NOC2L: variants seen among roughly 807,000 people sequenced by gnomAD.
The protein encoded by NOC2L is nucleolar complex protein 2 homolog.
A neutral mutation model predicts 94.2 loss-of-function variants in NOC2L; 101 were observed. That is an observed-to-expected ratio of 1.07 (90% CI 0.91 to 1.26). The LOEUF (loss-of-function observed/expected upper bound fraction) is 1.26, where lower values mean the gene tolerates loss of function less well. NOC2L is among the 50% of genes most tolerant of loss of function. The pLI, the probability that NOC2L is intolerant of heterozygous loss-of-function variation, is 0.00. For synonymous variants in NOC2L, 531 were observed against 413.4 expected, an observed-to-expected ratio of 1.28 and a Z score of -3.45; for missense variants, 1,076 against 980.1, an observed-to-expected ratio of 1.10 and a Z score of -1.31.
intron 18 of NOC2L, 32 bp downstream of exon 18, chr1:945,024 AG>A (rs1642056966): frequency 3.1e-6 from 5 of 1,613,618 alleles, no homozygotes; most frequent in Non-Finnish European, 4.2e-6. Context: ...ATGGGCTCAC[AG>A]GGCCACACCC....
chr1:946,429 G>C lies in NOC2L; in HGVS notation c.1776C>G (p.Ser592=). ...CTGCCTGCTGCTCAGAGACGCCGAAGGAAACCCTCTGGCGGCGGCTGCAGA... is the reference window on the plus strand; with the variant it reads ...CTGCCTGCTGCTCAGAGACGCCGAACGAAACCCTCTGGCGGCGGCTGCAGA... ...AYICSRRQRV[S]FGVSEQQAVE... is the part of the protein sequence containing the mutation. The change falls in exon 15 of 19, where the codon TCC becomes TCG. Residue 592 remains serine (S), a synonymous_variant. Coordinates refer to ENST00000327044, the MANE Select transcript of NOC2L (RefSeq NM_015658.4). The C allele has an allele frequency of 1.2e-6, 2 of 1,613,540 alleles. No homozygotes were observed. The highest frequency in any genetic ancestry group is 8.5e-7 in the Non-Finnish European group (1 of 1,180,016).
chr1:951,942 C>T (rs1247956321), intron 11 of NOC2L, 58 bp downstream of exon 11: 2 of 1,563,600 alleles, frequency 1.3e-6, no homozygotes, highest in Non-Finnish European at 1.7e-6. Flanking sequence ...CCCACACAGT[C>T]CCAGCAAATT....
At chr1:947,338 G>A (rs1642141634) in intron 14 of NOC2L, among the ~76,000 whole-genome samples, 1 of 152,216 alleles carries the variant, frequency 6.6e-6, no homozygotes, top group Non-Finnish European at 1.5e-5. Flanking sequence ...CAGAAAGGGG[G>A]TCCCGGCTCT....
At chr1:957,383 A>C (rs1642440573) in intron 2 of NOC2L, 110 bp from the exon 3 acceptor site, 1 of 1,061,506 alleles carries the variant, frequency 9.4e-7, no homozygotes, top group African/African-American at 1.6e-5. Context: ...CTAGCAAGAC[A>C]GGATTGCCAG....
Position 944,980 on chromosome 1 carries a change from G to A in NOC2L, c.2143+77C>T, listed in dbSNP as rs1162554029. Reference sequence around the variant, plus strand: ...GGAAAAGCCTGGCCCAGAGCCCCACGCCCCCCGCCCACGTGGCTCTGCCCT... The same window carrying A: ...GGAAAAGCCTGGCCCAGAGCCCCACACCCCCCGCCCACGTGGCTCTGCCCT... On this transcript the variant is annotated intron_variant, in intron 18 of 18. Transcript: ENST00000327044. The A allele has an allele frequency of 1.9e-5, 30 of 1,600,688 alleles. No individual in the cohort carries two copies. The Admixed American group carries it at 3.0e-4, about 16-fold the overall frequency.
At position 944,241 on chromosome 1, in the gene NOC2L, T is replaced by C; in HGVS notation, c.*453A>G. ...CCTGCCTCCCACCGCTTTATTTCTT[T>C]CGGTTTCGGATGCAAAACAAAAAAT... On this transcript the variant is annotated 3_prime_UTR_variant, in exon 19 of 19. Coordinates refer to ENST00000327044, the MANE Select transcript of NOC2L (RefSeq NM_015658.4). The C allele has an allele frequency of 6.9e-7, 1 of 1,451,930 alleles. No individual in the cohort carries two copies. The highest frequency in any genetic ancestry group is 9.1e-7 in the Non-Finnish European group (1 of 1,102,976). 89.9% of individuals were successfully genotyped at this position (1,451,930 alleles called of 1,614,324 possible).
At chr1:950,590 CCTG>C (rs1275257543) in intron 12 of NOC2L, among the ~76,000 whole-genome samples, 11 of 152,170 alleles carry the variant, frequency 7.2e-5, no homozygotes, top group Admixed American at 7.2e-4. Flanking sequence ...GATGCACACA[CCTG>C]CAGGCACACA....
intron 13 of NOC2L, 97 bp downstream of exon 13, chr1:948,393 T>G (rs895407176): frequency 9.1e-7 from 1 of 1,094,148 alleles, no homozygotes; most frequent in Non-Finnish European, 1.4e-6. Context: ...AGGTCCATGC[T>G]TGAACTTGGA....
chr1:955,350 T>A (rs1033586620), intron 6 of NOC2L, among the ~76,000 whole-genome samples: 3 of 152,224 alleles, frequency 2.0e-5, no homozygotes, highest in Admixed American at 1.3e-4. Flanking sequence ...ACTCTAGGCC[T>A]CCACTGCCTC....
At chr1:945,683 TGAGA>T (rs759589095) in intron 16 of NOC2L, 30 bp from the exon 17 acceptor site, 1 of 1,613,854 alleles carries the variant, frequency 6.2e-7, no homozygotes, top group African/African-American at 1.3e-5. Flanking sequence ...GGGGCTCAGG[TGAGA>T]GAGGGCAGGG....
At chr1:954,106 G>A in intron 6 of NOC2L, 24 bp from the exon 7 acceptor site, 1 of 1,609,166 alleles carries the variant, frequency 6.2e-7, no homozygotes, top group Non-Finnish European at 8.5e-7. Flanking sequence ...ACCCACCCCT[G>A]GCTGGGAGGC....
At position 945,161 on chromosome 1, in the gene NOC2L, G is replaced by A. The variant is rs1642065008; in HGVS notation, c.2054-15C>T. On this transcript the variant is annotated splice_polypyrimidine_tract_variant and intron_variant, in intron 17 of 18. Transcript: ENST00000327044. Reference sequence around the variant, plus strand: ...CCTCAGTATCCCTGAGGAACAAGAAGCAGAGTCCATATGACTCCCACCCAC... The same window carrying A: ...CCTCAGTATCCCTGAGGAACAAGAAACAGAGTCCATATGACTCCCACCCAC... The A allele has an allele frequency of 1.9e-6, 3 of 1,586,352 alleles. No individual in the cohort carries two copies. The highest frequency in any genetic ancestry group is 1.7e-6 in the Non-Finnish European group (2 of 1,165,898).
intron 2 of NOC2L, chr1:958,143 A>G (rs535588250): frequency 1.4e-5 from 2 of 138,340 alleles, no homozygotes; most frequent in South Asian, 4.4e-4. Flanking sequence ...ATCTCCACTC[A>G]CCGCAACCTC....
chr1:946,310 G>T (rs760077638), intron 15 of NOC2L, 24 bp from the exon 16 acceptor site: 11 of 1,611,816 alleles, frequency 6.8e-6, no homozygotes, highest in Non-Finnish European at 9.3e-6. Flanking sequence ...GGAGTTCAGG[G>T]TCATGCCTCA....
At chr1:951,350 G>A (rs932299112) in intron 11 of NOC2L, 112 bp from the exon 12 acceptor site, 15 of 819,476 alleles carry the variant, frequency 1.8e-5, no homozygotes, top group South Asian at 1.2e-4. Context: ...CCCTAAAGCA[G>A]GACAAGGCAC....
Position 946,555 on chromosome 1 carries a change from G to A in NOC2L, c.1660-10C>T. 2 of 1,609,934 alleles carry A rather than the reference G, an allele frequency of 1.2e-6. No individual in the cohort carries two copies. Among genetic ancestry groups the A allele is most frequent in the Non-Finnish European group, 1.7e-6 (2 of 1,177,548 alleles). ...GGAGGAACGACTTCAGCTGCGGAAG[G>A]GAGGGGTCAGCCACTGAAGCCCAGG... On this transcript the variant is annotated splice_polypyrimidine_tract_variant and intron_variant, in intron 14 of 18. Transcript: ENST00000327044.
intron 8 of NOC2L, among the ~76,000 whole-genome samples, chr1:953,532 A>G (rs1162889215): frequency 6.6e-6 from 1 of 152,232 alleles, no homozygotes; most frequent in African/African-American, 2.4e-5. Context: ...GTGAGATCAC[A>G]CCGGGAAGAA....
At chr1:950,271 A>G (rs1367900554) in intron 12 of NOC2L, among the ~76,000 whole-genome samples, 3 of 151,836 alleles carry the variant, frequency 2.0e-5, no homozygotes, top group African/African-American at 7.3e-5. Flanking sequence ...GCACACAGAC[A>G]CGTGTGTATG....
chr1:945,233 T>G (rs1642068908), intron 17 of NOC2L, 87 bp from the exon 18 acceptor site: 1 of 1,468,136 alleles, frequency 6.8e-7, no homozygotes, highest in East Asian at 2.5e-5. Context: ...GTGGCCAGGC[T>G]CCCAACACCC....
Sources: gnomAD v4.1 joint callset for allele counts (sites outside exome capture counted in the v4.1 genomes callset) on GRCh38, gnomAD v4.1.1 for gene constraint, MANE v1.5 for transcripts, NCBI Gene and HGNC (gene_info 2026-07-23, HGNC 2026-07-21) for gene names.